The following TAFA2 variants were observed in gnomAD, a reference collection of about 807,000 sequenced individuals.
TAFA2 encodes TAFA chemokine like family member 2.
In TAFA2, 7 loss-of-function variants were observed where a neutral mutation model predicts 18.8. The ratio of observed to expected loss-of-function variants is 0.37; its 90% CI spans 0.21 to 0.70. The LOEUF (loss-of-function observed/expected upper bound fraction) is 0.70. Ranked by LOEUF, TAFA2 falls within the 30% of genes least tolerant of loss-of-function variation. TAFA2 has a pLI of 0.53. For synonymous variants in TAFA2, 60 were observed against 54.2 expected, an observed-to-expected ratio of 1.11 and a Z score of -0.47; for missense variants, 122 against 158.1, an observed-to-expected ratio of 0.77 and a Z score of 1.23.
At chr12:62,215,836 G>C (rs2062733402) in intron 1 of TAFA2, among the ~76,000 whole-genome samples, 1 of 151,314 alleles carries the variant, frequency 6.6e-6, no homozygotes, top group Non-Finnish European at 1.5e-5. Flanking sequence ...TTTGTAGACA[G>C]AGAGCTCTTA....
chr12:62,245,808 G>T (rs939329576), intron 1 of TAFA2, among the ~76,000 whole-genome samples: 2 of 148,308 alleles, frequency 1.3e-5, no homozygotes, highest in African/African-American at 2.5e-5. Flanking sequence ...GGGGTTTTTT[G>T]ATTCTTATTT....
chr12:62,042,972 T>C (rs924529177), intron 1 of TAFA2, among the ~76,000 whole-genome samples: 8 of 152,250 alleles, frequency 5.3e-5, no homozygotes, highest in East Asian at 1.9e-4. Context: ...ACTATAGTTT[T>C]ATAAAATAAA....
chr12:61,888,741 G>T (rs746194414), intron 1 of TAFA2, among the ~76,000 whole-genome samples: 4 of 152,138 alleles, frequency 2.6e-5, no homozygotes, highest in Non-Finnish European at 5.9e-5. Flanking sequence ...ACACAAAGGA[G>T]GATCAAAACA....
chr12:61,805,787 T>C (rs758121312), intron 2 of TAFA2, among the ~76,000 whole-genome samples: 50 of 152,150 alleles, frequency 3.3e-4, no homozygotes, highest in Non-Finnish European at 6.6e-4. Context: ...CACTAATACA[T>C]CTTAATATGA....
intron 1 of TAFA2, among the ~76,000 whole-genome samples, chr12:62,159,834 A>T (rs1474401773): frequency 6.6e-6 from 1 of 152,070 alleles, no homozygotes; most frequent in East Asian, 1.9e-4. Flanking sequence ...ACTAAACACC[A>T]CCTGTACCCC....
intron 1 of TAFA2, among the ~76,000 whole-genome samples, chr12:62,120,951 G>A (rs890431480): frequency 2.0e-5 from 3 of 152,134 alleles, no homozygotes; most frequent in Non-Finnish European, 2.9e-5. Context: ...TGCCTCCTGG[G>A]TTCAAGCATT....
chr12:61,857,782 C>T (rs1873947808), intron 2 of TAFA2, among the ~76,000 whole-genome samples: 1 of 113,212 alleles, frequency 8.8e-6, no homozygotes, highest in Admixed American at 9.7e-5. Context: ...CCTGCACCTC[C>T]TCTCTTTATA....
intron 4 of TAFA2, among the ~76,000 whole-genome samples, chr12:61,748,728 A>G (rs551776828): frequency 3.4e-4 from 51 of 152,156 alleles, no homozygotes; most frequent in Non-Finnish European, 6.0e-4. Flanking sequence ...AGGATTAAAA[A>G]CCTAATACTT....
intron 1 of TAFA2, among the ~76,000 whole-genome samples, chr12:62,116,494 GATTT>G (rs1869969119): frequency 6.6e-6 from 1 of 150,964 alleles, no homozygotes; most frequent in South Asian, 2.1e-4. Context: ...TGGCAGCAGG[GATTT>G]ATTTATTTAA....
At chr12:61,755,130 A>G in intron 2 of TAFA2, 106 bp from the exon 3 acceptor site, 2 of 985,042 alleles carry the variant, frequency 2.0e-6, no homozygotes, top group Non-Finnish European at 2.9e-6. Context: ...TAAGGGGTCC[A>G]CCAGGCATGA....
chr12:62,020,186 A>T (rs1881083195), intron 1 of TAFA2, among the ~76,000 whole-genome samples: 1 of 152,250 alleles, frequency 6.6e-6, no homozygotes, highest in Non-Finnish European at 1.5e-5. Flanking sequence ...TACTAGGCAC[A>T]TAAAAATGAC....
rs551425898 is a variant in TAFA2, at chr12:61,795,728, A to T, written c.107-40704T>A. On this transcript the variant is annotated intron_variant, in intron 2 of 4. Transcript: ENST00000416284. ...TACCCTAGAACTTAAAGTGTAATTT[A>T]AAAAAAAAACTAAGCAAAATAAACT... is the stretch of plus-strand genomic sequence containing the variant. Among the ~76,000 whole-genome samples, 8 of 147,326 alleles carry T rather than the reference A, an allele frequency of 5.4e-5. No homozygotes were observed. In the East Asian group the frequency reaches 5.9e-4, roughly 11 times the overall value.
At chr12:61,825,889 C>A (rs573953037) in intron 2 of TAFA2, among the ~76,000 whole-genome samples, 1 of 152,082 alleles carries the variant, frequency 6.6e-6, no homozygotes, top group Admixed American at 6.6e-5. Flanking sequence ...TAAAAAAGAC[C>A]TCCTATCCCT....
Position 62,202,804 on chromosome 12 carries a change from C to T in TAFA2, c.-130+55959G>A, listed in dbSNP as rs866773479. On this transcript the variant is annotated intron_variant, in intron 1 of 5. Transcript: ENST00000551619. ...ATTCACGAGCAAGTTGTTCAATTTA[C>T]ATGTAGCTGTGTGGTTCTTTTTTTT... Among the ~76,000 whole-genome samples the T allele has an allele frequency of 5.1e-5, 7 of 137,282 alleles. No individual in the cohort carries two copies. In the South Asian group the frequency reaches 7.3e-4, roughly 14 times the overall value. 90.1% of individuals were successfully genotyped at this position (137,282 alleles called of 152,430 possible).
At chr12:62,016,921 G>A (rs753756229) in intron 1 of TAFA2, among the ~76,000 whole-genome samples, 11 of 152,198 alleles carry the variant, frequency 7.2e-5, no homozygotes, top group Non-Finnish European at 1.3e-4. Context: ...GAGTTGGAAG[G>A]CAATGAAGAA....
chr12:61,809,670 GT>G (rs1871777421), intron 2 of TAFA2, among the ~76,000 whole-genome samples: 1 of 151,372 alleles, frequency 6.6e-6, no homozygotes, highest in African/African-American at 2.5e-5. Flanking sequence ...ATACTACTGG[GT>G]TTTCTTCCAG....
At chr12:62,020,042 A>C (rs969039146) in intron 1 of TAFA2, among the ~76,000 whole-genome samples, 4 of 152,218 alleles carry the variant, frequency 2.6e-5, no homozygotes, top group African/African-American at 9.6e-5. Context: ...AAATATTGAA[A>C]GACAGTCTCA....
At chr12:61,729,901 T>TA (rs955582924) in intron 4 of TAFA2, among the ~76,000 whole-genome samples, 2 of 152,128 alleles carry the variant, frequency 1.3e-5, no homozygotes, top group Non-Finnish European at 2.9e-5. Context: ...TCAGATTTTT[T>TA]ATCCCATGGG....
chr12:61,943,914 G>A (rs1878151499), intron 1 of TAFA2, among the ~76,000 whole-genome samples: 1 of 143,228 alleles, frequency 7.0e-6, no homozygotes, highest in African/African-American at 2.7e-5. Context: ...AAGTCAACAA[G>A]GATACCCAGG....
Sources: gnomAD v4.1 joint callset for allele counts (sites outside exome capture counted in the v4.1 genomes callset) on GRCh38, gnomAD v4.1.1 for gene constraint, MANE v1.5 for transcripts, NCBI Gene and HGNC (gene_info 2026-07-23, HGNC 2026-07-21) for gene names.